Variants in THAP5 observed in about 807,000 individuals in gnomAD.
The protein encoded by THAP5 is THAP domain-containing protein 5.
Under a neutral mutation model 34.0 loss-of-function variants are expected in THAP5, and 26 were observed. That is an observed-to-expected ratio of 0.77 (90% CI 0.56 to 1.06). The LOEUF is 1.06. Ranked by LOEUF, THAP5 falls within the 50% of genes least tolerant of loss-of-function variation. THAP5 has a pLI of 0.00. For missense variants in THAP5, 394 were observed against 452.8 expected (o/e 0.87, Z 1.18); for synonymous variants, 125 against 153.0 (o/e 0.82, Z 1.35).
chr7:108,563,593 A>AAT lies in THAP5; in HGVS notation c.*596_*597dup, dbSNP rs555225156. On this transcript the variant is annotated 3_prime_UTR_variant, in exon 3 of 3. Coordinates refer to ENST00000415914, the MANE Select transcript of THAP5 (RefSeq NM_001130475.3). ...GTTTATCTTCCTTTCTATTACAGATAATATAACTGTAATATGTAACTATAG... is the reference window on the plus strand; with the variant it reads ...GTTTATCTTCCTTTCTATTACAGATAATATATAACTGTAATATGTAACTATAG... 7.4e-4 allele frequency: 113 copies of AAT among 151,860 alleles called. No individual in the cohort carries two copies. Among genetic ancestry groups the AAT allele is most frequent in the African/African-American group, 2.7e-3 (110 of 41,408 alleles). The allele number at this position is 151,860 out of a possible 1,614,324, so 9.4% of individuals were successfully genotyped here.
chr7:108,564,383 T>C lies in THAP5; in HGVS notation c.996A>G (p.Glu332=). The change falls in exon 3 of 3, where the codon GAA becomes GAG. Residue 332 remains glutamate, a synonymous_variant. Coordinates refer to ENST00000415914, the MANE Select transcript of THAP5 (RefSeq NM_001130475.3). ...GCTTAGAGACTTTCTGCCAAAGATGTTCCTTATTTATATCTTGTCTGCAGT... is the reference window on the plus strand; with the variant it reads ...GCTTAGAGACTTTCTGCCAAAGATGCTCCTTATTTATATCTTGTCTGCAGT... ...HSYCRQDINK[E]HLWQKVSKLH... 1 of 1,613,808 alleles carries C rather than the reference T, an allele frequency of 6.2e-7. No individual in the cohort carries two copies.
Position 108,564,627 on chromosome 7 carries a change from G to A in THAP5, c.752C>T (p.Pro251Leu), listed in dbSNP as rs145694107. Residue 251 changes from proline to leucine, a missense_variant, in exon 3 of 3, where the codon CCA becomes CTA. Physicochemically the swap from Pro to Leu is moderately conservative, Grantham distance 98. Coordinates refer to ENST00000415914, the MANE Select transcript of THAP5 (RefSeq NM_001130475.3). Reference sequence around the variant, plus strand: ...TTGATTAATTGTGCTGAATAAGAATGGATTTTCCTGTGCTGACTTTATTTC... The same window carrying A: ...TTGATTAATTGTGCTGAATAAGAATAGATTTTCCTGTGCTGACTTTATTTC... ...SMEIKSAQEN[P>L]FLFSTINQTV... 2.5e-6 allele frequency: 4 copies of A among 1,613,812 alleles called. No individual in the cohort carries two copies. The Admixed American group carries it at 5.0e-5, about 20-fold the overall frequency.
the THAP5 span, among the ~76,000 whole-genome samples, chr7:108,547,747 G>A: frequency 6.6e-6 from 1 of 152,112 alleles, no homozygotes; most frequent in African/African-American, 2.4e-5. Flanking sequence ...TCACATAGTT[G>A]AGCTGTTGTT....
At chr7:108,569,304 T>C (rs1790558144) in intron 1 of THAP5, 186 bp downstream of exon 1, 1 of 1,444,640 alleles carries the variant, frequency 6.9e-7, no homozygotes, top group Admixed American at 2.7e-5. Flanking sequence ...CCAGCAGTCC[T>C]CGCGCAAGAA....
At chr7:108,555,459 T>G (rs1296057505) in intron 1 of THAP5, among the ~76,000 whole-genome samples, 1 of 152,036 alleles carries the variant, frequency 6.6e-6, no homozygotes, top group African/African-American at 2.4e-5. Context: ...TGAGCCATTG[T>G]GCCCGGCCCC....
chr7:108,554,931 T>C (rs1864376097), intron 1 of THAP5: 1 of 152,224 alleles, frequency 6.6e-6, no homozygotes, highest in East Asian at 1.9e-4. Flanking sequence ...ATTTCAAACA[T>C]GATCAAAATC....
chr7:108,556,302 C>T (rs1012202220), intron 1 of THAP5, among the ~76,000 whole-genome samples: 3 of 152,138 alleles, frequency 2.0e-5, no homozygotes, highest in South Asian at 2.1e-4. Context: ...TCCCCTAAGT[C>T]GTAACTCATT....
the THAP5 span, among the ~76,000 whole-genome samples, chr7:108,548,012 A>G: frequency 6.6e-6 from 1 of 152,198 alleles, no homozygotes. Context: ...GAGCCTCCTA[A>G]AAGCCTCCCA....
Position 108,566,040 on chromosome 7 carries a change from A to T in THAP5, c.81-18T>A, listed in dbSNP as rs936998964. 6.7e-7 allele frequency: 1 copy of T among 1,495,512 alleles called. No homozygotes were observed. Among genetic ancestry groups the T allele is most frequent in the East Asian group, 2.5e-5 (1 of 40,450 alleles). 92.6% of individuals were successfully genotyped at this position (1,495,512 alleles called of 1,614,324 possible). A position where few individuals can be genotyped will look rare whatever the true frequency, so the allele number is the denominator to read the frequency against. ...GAGGAAATCTGGAATTTAAAAAAAA[A>T]AGAAGAAAAAAGGAAAAACTTTGCT... On this transcript the variant is annotated intron_variant, in intron 1 of 2. Coordinates refer to ENST00000415914, the MANE Select transcript of THAP5 (RefSeq NM_001130475.3).
intron 2 of THAP5, 134 bp from the exon 3 acceptor site, chr7:108,565,239 T>C (rs974833626): frequency 4.7e-6 from 3 of 644,144 alleles, no homozygotes; most frequent in Admixed American, 3.4e-5. Flanking sequence ...TCAGAGTATA[T>C]ATACCTTAAA....
At chr7:108,547,020 C>A in the THAP5 span, among the ~76,000 whole-genome samples, 2,075 of 152,272 alleles carry the variant, frequency 0.014, 35 homozygotes, top group African/African-American at 0.046. Context: ...AGTTGATATG[C>A]TGAAGGGTGT....
chr7:108,545,674 A>G, the THAP5 span, among the ~76,000 whole-genome samples: 38 of 152,196 alleles, frequency 2.5e-4, no homozygotes, highest in Non-Finnish European at 5.3e-4. Flanking sequence ...CATAAGGAAG[A>G]TTTAGGAGTG....
At chr7:108,566,331 A>G (rs1014860489) in intron 1 of THAP5, among the ~76,000 whole-genome samples, 5 of 152,208 alleles carry the variant, frequency 3.3e-5, no homozygotes, top group African/African-American at 4.8e-5. Flanking sequence ...TGTATTTTCT[A>G]TGGATTATGT....
chr7:108,563,208 G>C lies in THAP5; in HGVS notation c.*983C>G, dbSNP rs897863322. ...CTCCTAAGAACTGGGCTAATGGGTG[G>C]TTCCTTAGTTTAGTTCAACTGGAAT... On this transcript the variant is annotated 3_prime_UTR_variant, in exon 3 of 3. Transcript: ENST00000415914. 2 of 152,106 alleles carry C rather than the reference G, an allele frequency of 1.3e-5. No individual in the cohort carries two copies. Among genetic ancestry groups the C allele is most frequent in the African/African-American group, 4.8e-5 (2 of 41,426 alleles). The allele number at this position is 152,106 out of a possible 1,614,324, so 9.4% of individuals were successfully genotyped here.
At chr7:108,566,310 C>T (rs1361269855) in intron 1 of THAP5, among the ~76,000 whole-genome samples, 2 of 152,126 alleles carry the variant, frequency 1.3e-5, no homozygotes, top group African/African-American at 4.8e-5. Flanking sequence ...CTATAAAGGA[C>T]AAAATCTATT....
downstream of THAP5, among the ~76,000 whole-genome samples, chr7:108,557,753 C>T (rs975347562): frequency 6.6e-6 from 1 of 152,190 alleles, no homozygotes; most frequent in Non-Finnish European, 1.5e-5. Context: ...AACCTTTGCT[C>T]CTTACCCGGT....
chr7:108,561,901 A>C (rs2190403), downstream of THAP5, among the ~76,000 whole-genome samples: 30,379 of 152,126 alleles, frequency 0.2, 3,773 homozygotes, highest in East Asian at 0.52. Flanking sequence ...ATGTTGTTCA[A>C]AGTTTTACCG....
downstream of THAP5, among the ~76,000 whole-genome samples, chr7:108,551,562 A>C (rs1401833778): frequency 6.6e-6 from 1 of 152,216 alleles, no homozygotes; most frequent in African/African-American, 2.4e-5. Flanking sequence ...AGCAGTAGAA[A>C]ATAGACTAAG....
exon 2 of THAP5, chr7:108,554,571 TGTTAA>T: frequency 6.6e-6 from 1 of 152,328 alleles, no homozygotes; most frequent in African/African-American, 2.4e-5. Flanking sequence ...CACTTTAATA[TGTTAA>T]GTTTTTTACA....
Sources: allele counts gnomAD v4.1 joint callset (sites outside exome capture counted in the v4.1 genomes callset), GRCh38; gene constraint gnomAD v4.1.1; transcripts MANE v1.5; gene names NCBI Gene and HGNC (gene_info 2026-07-23, HGNC 2026-07-21).